Variants in MAMDC2 observed in about 807,000 individuals in gnomAD.
MAMDC2 encodes MAM domain-containing protein 2.
MAMDC2 carries 57 observed loss-of-function variants against 89.8 expected under a neutral mutation model. The ratio of observed to expected loss-of-function variants is 0.63; its 90% CI spans 0.51 to 0.79. The LOEUF (loss-of-function observed/expected upper bound fraction) is 0.79. Ranked by LOEUF, MAMDC2 falls within the 30% of genes least tolerant of loss-of-function variation. The pLI, the probability that MAMDC2 is intolerant of heterozygous loss-of-function variation, is 0.00. For synonymous variants in MAMDC2, 313 were observed against 293.4 expected, an observed-to-expected ratio of 1.07 and a Z score of -0.68; for missense variants, 800 against 820.6, an observed-to-expected ratio of 0.97 and a Z score of 0.31.
intron 11 of MAMDC2, among the ~76,000 whole-genome samples, chr9:70,183,047 G>A (rs1192845273): frequency 6.6e-6 from 1 of 152,122 alleles, no homozygotes; most frequent in African/African-American, 2.4e-5. Context: ...GGTACATTGT[G>A]TCTTTGTTCT....
chr9:70,175,489 T>C (rs12685322), intron 11 of MAMDC2, among the ~76,000 whole-genome samples: 10,484 of 132,448 alleles, frequency 0.079, 573 homozygotes, highest in East Asian at 0.25. Flanking sequence ...GATGCTAGCA[T>C]ATTGTTATAA....
At chr9:70,058,309 G>A (rs1827069106) in intron 2 of MAMDC2, among the ~76,000 whole-genome samples, 1 of 152,120 alleles carries the variant, frequency 6.6e-6, no homozygotes, top group Non-Finnish European at 1.5e-5. Context: ...GTTATTGGTG[G>A]AGCCTGGATT....
At chr9:70,179,621 G>GAAA (rs547265087) in intron 11 of MAMDC2, among the ~76,000 whole-genome samples, 1,173 of 116,326 alleles carry the variant, frequency 0.01, 19 homozygotes, top group African/African-American at 0.035. Flanking sequence ...TTCTACAAAT[G>GAAA]AAAAAAAAAA....
In MAMDC2 at chr9:70,103,398, C is replaced by G. The variant is rs190522438; in HGVS notation, c.149-4813C>G. On this transcript the variant is annotated intron_variant, in intron 2 of 13. Coordinates refer to ENST00000377182, the MANE Select transcript of MAMDC2 (RefSeq NM_153267.5). ...TACTGGCATAAGAATAAACATAGAT[C>G]AATAGAATCGAATTGAGAAGTCCAG... 3.6e-3 allele frequency among the ~76,000 whole-genome samples: 548 copies of G among 152,044 alleles called. 3 individuals are homozygous for G. The highest frequency in any genetic ancestry group is 0.012 in the African/African-American group (490 of 41,460).
chr9:70,156,114 T>C (rs1421920520), intron 9 of MAMDC2, among the ~76,000 whole-genome samples: 1 of 152,256 alleles, frequency 6.6e-6, no homozygotes, highest in African/African-American at 2.4e-5. Context: ...AACTGTGTTT[T>C]AACATTGTGC....
At chr9:70,104,147 A>C (rs974125010) in intron 2 of MAMDC2, among the ~76,000 whole-genome samples, 3 of 152,174 alleles carry the variant, frequency 2.0e-5, no homozygotes, top group African/African-American at 7.2e-5. Flanking sequence ...TTGAACAGAC[A>C]TTTTTCCAAA....
chr9:70,180,374 TA>T (rs1464428044), intron 11 of MAMDC2, among the ~76,000 whole-genome samples: 1 of 152,216 alleles, frequency 6.6e-6, no homozygotes, highest in Non-Finnish European at 1.5e-5. Context: ...TTTGGGTATA[TA>T]CCCAGTAACG....
intron 2 of MAMDC2, among the ~76,000 whole-genome samples, chr9:70,058,933 A>G (rs565770028): frequency 2.0e-5 from 3 of 152,292 alleles, no homozygotes; most frequent in South Asian, 4.2e-4. Context: ...CCAAGTTCCA[A>G]ATGAGATTAA....
chr9:70,100,021 A>AGAGAGAGAGAGAGC (rs1316783544), intron 2 of MAMDC2, among the ~76,000 whole-genome samples: 11 of 144,522 alleles, frequency 7.6e-5, no homozygotes, highest in East Asian at 4.2e-4. Context: ...AGAGAGAGAG[A>AGAGAGAGAGAGAGC]GAGCACAAGC....
chr9:70,224,354 A>G (rs964489153), intron 12 of MAMDC2, among the ~76,000 whole-genome samples: 3 of 152,138 alleles, frequency 2.0e-5, no homozygotes, highest in African/African-American at 7.2e-5. Flanking sequence ...AAAGGTTTCC[A>G]TTGCTATATA....
At chr9:70,171,005 T>C in intron 11 of MAMDC2, 1 of 191,690 alleles carries the variant, frequency 5.2e-6, no homozygotes, top group Non-Finnish European at 1.1e-5. Flanking sequence ...GGCATACAGG[T>C]TTGACTCCAA....
chr9:70,175,079 C>T (rs946111080), intron 11 of MAMDC2, among the ~76,000 whole-genome samples: 1 of 152,082 alleles, frequency 6.6e-6, no homozygotes, highest in Non-Finnish European at 1.5e-5. Context: ...GAGTGTTGAA[C>T]TTAGGAGAGA....
intron 2 of MAMDC2, among the ~76,000 whole-genome samples, chr9:70,072,263 G>A (rs778711814): frequency 5.3e-5 from 8 of 152,054 alleles, no homozygotes; most frequent in Non-Finnish European, 7.4e-5. Flanking sequence ...AGCATAACCC[G>A]GGAGGTGCTC....
At position 70,143,131 on chromosome 9, in the gene MAMDC2, A is replaced by T. The variant is rs144162026; in HGVS notation, c.1139-423A>T. Among the ~76,000 whole-genome samples the T allele has an allele frequency of 3.4e-4, 52 of 152,312 alleles. 1 individual carries two copies. The highest frequency in any genetic ancestry group is 1.2e-3 in the African/African-American group (50 of 41,574). ...GCCAGCCTGAAATCCCACCATCTCT[A>T]TCGGTCACTAAGGAGATAATAAGGA... is the stretch of plus-strand genomic sequence containing the variant. On this transcript the variant is annotated intron_variant, in intron 8 of 13. Transcript: ENST00000377182.
At chr9:70,059,559 T>G (rs1827100398) in intron 2 of MAMDC2, among the ~76,000 whole-genome samples, 7 of 152,166 alleles carry the variant, frequency 4.6e-5, no homozygotes, top group Admixed American at 1.3e-4. Context: ...AACAAGTTCT[T>G]TCCTCATTCA....
intron 2 of MAMDC2, among the ~76,000 whole-genome samples, chr9:70,102,778 A>G (rs905014213): frequency 5.9e-5 from 9 of 152,192 alleles, no homozygotes; most frequent in Non-Finnish European, 1.0e-4. Flanking sequence ...ATAAATGTCT[A>G]GTAAATCAGT....
chr9:70,072,104 A>T (rs1047451577), intron 2 of MAMDC2, among the ~76,000 whole-genome samples: 1 of 152,204 alleles, frequency 6.6e-6, no homozygotes, highest in African/African-American at 2.4e-5. Context: ...TGACAATAAT[A>T]ATTTCAGATT....
chr9:70,142,209 G>A (rs938286591), intron 8 of MAMDC2, among the ~76,000 whole-genome samples: 1 of 152,174 alleles, frequency 6.6e-6, no homozygotes, highest in Non-Finnish European at 1.5e-5. Context: ...TTAGCTGGGA[G>A]AGTGGGAGTG....
intron 11 of MAMDC2, among the ~76,000 whole-genome samples, chr9:70,201,902 C>T (rs1321562573): frequency 5.1e-5 from 7 of 138,502 alleles, no homozygotes; most frequent in Middle Eastern, 3.6e-3. Flanking sequence ...TGGTGATATC[C>T]CCTTTATCAT....
Sources: allele counts gnomAD v4.1 joint callset (sites outside exome capture counted in the v4.1 genomes callset), GRCh38; gene constraint gnomAD v4.1.1; transcripts MANE v1.5; gene names NCBI Gene and HGNC (gene_info 2026-07-23, HGNC 2026-07-21).